DLGAP4: variants seen among roughly 807,000 people sequenced by gnomAD.
DLGAP4 encodes DLG associated protein 4.
DLGAP4 carries 18 observed loss-of-function variants against 86.9 expected under a neutral mutation model. The ratio of observed to expected loss-of-function variants is 0.21; its 90% CI spans 0.14 to 0.31. DLGAP4 has a LOEUF of 0.31. Among genes scored for constraint, DLGAP4 ranks in the 10% least tolerant of loss-of-function variants. DLGAP4 has a pLI of 1.00. For synonymous variants in DLGAP4, 548 were observed against 574.3 expected, an observed-to-expected ratio of 0.95 and a Z score of 0.65; for missense variants, 1,085 against 1,362.6, an observed-to-expected ratio of 0.80 and a Z score of 3.21.
chr20:36,317,305 C>CT (rs1202772711), intron 1 of DLGAP4, among the ~76,000 whole-genome samples: 2,014 of 4,174 alleles, frequency 0.48, 63 homozygotes, highest in Non-Finnish European at 0.49. Context: ...ATCTTTCTTT[C>CT]TTCCTTCCTT....
intron 2 of DLGAP4, among the ~76,000 whole-genome samples, chr20:36,376,228 G>A (rs1438720339): frequency 3.9e-5 from 6 of 151,954 alleles, no homozygotes; most frequent in Middle Eastern, 3.4e-3. Flanking sequence ...CTGTAATCCC[G>A]GCACTTTGGG....
intron 1 of DLGAP4, among the ~76,000 whole-genome samples, chr20:36,320,210 T>C (rs2147344083): frequency 8.1e-6 from 1 of 122,828 alleles, no homozygotes; most frequent in Non-Finnish European, 1.7e-5. Context: ...CCTCCCTCTG[T>C]GTCCCCCTCC....
chr20:36,307,057 C>T (rs782539281), intron 1 of DLGAP4, among the ~76,000 whole-genome samples: 1 of 152,096 alleles, frequency 6.6e-6, no homozygotes, highest in East Asian at 1.9e-4. Flanking sequence ...GCCGCCGGCT[C>T]CCCCCTTCCC....
At chr20:36,325,984 C>A (rs1203484029) in intron 1 of DLGAP4, among the ~76,000 whole-genome samples, 4 of 152,162 alleles carry the variant, frequency 2.6e-5, no homozygotes, top group Non-Finnish European at 5.9e-5. Flanking sequence ...TCCCAAAGTG[C>A]TGGGATTACA....
intron 2 of DLGAP4, among the ~76,000 whole-genome samples, chr20:36,417,049 A>T (rs1300553432): frequency 6.6e-6 from 1 of 152,180 alleles, no homozygotes; most frequent in Non-Finnish European, 1.5e-5. Flanking sequence ...GGGAGGCACT[A>T]ATCAAGTATG....
chr20:36,334,281 G>T (rs2065299348), intron 1 of DLGAP4, among the ~76,000 whole-genome samples: 1 of 152,136 alleles, frequency 6.6e-6, no homozygotes, highest in Non-Finnish European at 1.5e-5. Flanking sequence ...TTTTCAGGGG[G>T]TATTACTGAG....
intron 7 of DLGAP4, chr20:36,492,635 C>T (rs1321900169): frequency 6.6e-6 from 1 of 152,266 alleles, no homozygotes; most frequent in Non-Finnish European, 1.5e-5. Context: ...TGCATGCACA[C>T]TCTTCATGGA....
chr20:36,389,427 A>G (rs996314061), intron 2 of DLGAP4, among the ~76,000 whole-genome samples: 9 of 152,210 alleles, frequency 5.9e-5, no homozygotes, highest in Admixed American at 2.6e-4. Flanking sequence ...AATGGGTAAC[A>G]GTAATGCCCA....
chr20:36,526,189 G>A, intron 12 of DLGAP4, 183 bp downstream of exon 12: 1 of 834,808 alleles, frequency 1.2e-6, no homozygotes, highest in Non-Finnish European at 1.9e-6. Context: ...CTTGCTCCGT[G>A]TAGTTGAGGC....
At chr20:36,402,179 G>T (rs933158590) in intron 2 of DLGAP4, among the ~76,000 whole-genome samples, 6 of 152,318 alleles carry the variant, frequency 3.9e-5, no homozygotes, top group African/African-American at 1.4e-4. Context: ...CCGTGCTAGG[G>T]CTCTACTGAT....
Position 36,527,587 on chromosome 20 carries a change from G to A in DLGAP4, c.*556G>A, listed in dbSNP as rs1036565707. 6.5e-6 allele frequency: 1 copy of A among 153,020 alleles called. No individual in the cohort carries two copies. The highest frequency in any genetic ancestry group is 6.5e-5 in the Admixed American group (1 of 15,300). The allele number at this position is 153,020 out of a possible 1,614,324, so 9.5% of individuals were successfully genotyped here. On this transcript the variant is annotated 3_prime_UTR_variant, in exon 13 of 13. Transcript: ENST00000339266. ...CGGTTGAGGGCCCAGAGGACAGAGA[G>A]ATGGACATGCGTCCCCTCCCTCCCC...
At chr20:36,327,911 T>C (rs2065232356) in intron 1 of DLGAP4, among the ~76,000 whole-genome samples, 1 of 148,306 alleles carries the variant, frequency 6.7e-6, no homozygotes, top group Non-Finnish European at 1.5e-5. Context: ...GGTTAAATTC[T>C]AAGGTTGCCA....
intron 10 of DLGAP4, among the ~76,000 whole-genome samples, chr20:36,520,834 G>C (rs1044326571): frequency 4.7e-5 from 7 of 148,230 alleles, no homozygotes; most frequent in African/African-American, 1.8e-4. Context: ...GTTTTCATCT[G>C]AGAGTTTTGT....
chr20:36,410,201 C>T (rs185940009), intron 2 of DLGAP4, among the ~76,000 whole-genome samples: 1 of 152,262 alleles, frequency 6.6e-6, no homozygotes, highest in Non-Finnish European at 1.5e-5. Flanking sequence ...TGTCAGTGCC[C>T]TGCCTCTACC....
chr20:36,407,004 A>G (rs1046835528), intron 2 of DLGAP4, among the ~76,000 whole-genome samples: 1 of 152,074 alleles, frequency 6.6e-6, no homozygotes, highest in Non-Finnish European at 1.5e-5. Flanking sequence ...GCAGGAGTCC[A>G]ACAGACCCAG....
At chr20:36,395,017 G>A (rs1010300479) in intron 2 of DLGAP4, among the ~76,000 whole-genome samples, 8 of 152,038 alleles carry the variant, frequency 5.3e-5, no homozygotes, top group Admixed American at 6.5e-5. Flanking sequence ...TAGCCTCCCC[G>A]TCGTTCTCTC....
At chr20:36,326,771 T>A (rs188992213) in intron 1 of DLGAP4, among the ~76,000 whole-genome samples, 2 of 152,290 alleles carry the variant, frequency 1.3e-5, no homozygotes, top group East Asian at 3.9e-4. Flanking sequence ...AGGAATTCTT[T>A]CAGCTTTAAT....
At chr20:36,335,610 A>C (rs1399902418) in intron 1 of DLGAP4, among the ~76,000 whole-genome samples, 1 of 152,184 alleles carries the variant, frequency 6.6e-6, no homozygotes, top group Non-Finnish European at 1.5e-5. Flanking sequence ...TGCTCCGGAC[A>C]CATCAGCTGC....
chr20:36,369,526 G>A (rs1452103563), intron 2 of DLGAP4, among the ~76,000 whole-genome samples: 4 of 152,168 alleles, frequency 2.6e-5, no homozygotes, highest in Admixed American at 6.5e-5. Context: ...CCAGGAGACA[G>A]AGGTTGCAGT....
Sources: allele counts gnomAD v4.1 joint callset (sites outside exome capture counted in the v4.1 genomes callset), GRCh38; gene constraint gnomAD v4.1.1; transcripts MANE v1.5; gene names NCBI Gene and HGNC (gene_info 2026-07-23, HGNC 2026-07-21).